Variants in MSRB3 observed in about 807,000 individuals in gnomAD.
The protein encoded by MSRB3 is methionine sulfoxide reductase B3.
Under a neutral mutation model 21.0 loss-of-function variants are expected in MSRB3, and 13 were observed. That is an observed-to-expected ratio of 0.62 (90% CI 0.40 to 0.98). The LOEUF (loss-of-function observed/expected upper bound fraction) is 0.98. MSRB3 is among the 50% of genes least tolerant of loss of function. MSRB3 has a pLI of 0.00. For missense variants in MSRB3, 199 were observed against 230.3 expected (o/e 0.86, Z 0.88); for synonymous variants, 87 against 88.6 (o/e 0.98, Z 0.10).
At chr12:65,322,822 G>T (rs994146604) in intron 2 of MSRB3, among the ~76,000 whole-genome samples, 2 of 152,054 alleles carry the variant, frequency 1.3e-5, no homozygotes, top group Admixed American at 1.3e-4. Flanking sequence ...TGTAAAATGG[G>T]CATGACAGCC....
intron 5 of MSRB3, among the ~76,000 whole-genome samples, chr12:65,396,704 A>AAAAAAAAG (rs1383726558): frequency 3.7e-5 from 2 of 54,132 alleles, no homozygotes; most frequent in Non-Finnish European, 7.3e-5. Context: ...AAAAAAAAAA[A>AAAAAAAAG]AAAGAAAGAA....
chr12:65,463,101 C>G, intron 6 of MSRB3, 54 bp from the exon 7 acceptor site: 21 of 1,608,374 alleles, frequency 1.3e-5, no homozygotes, highest in Non-Finnish European at 1.7e-5. Flanking sequence ...GTGAATTCCT[C>G]TCAAAGCCTG....
chr12:65,400,054 T>C (rs1880034171), intron 5 of MSRB3, among the ~76,000 whole-genome samples: 1 of 152,224 alleles, frequency 6.6e-6, no homozygotes, highest in Admixed American at 6.5e-5. Context: ...GATATTGGCC[T>C]GAAATTTTCT....
chr12:65,465,779 C>T lies in MSRB3; in HGVS notation c.*2457C>T, dbSNP rs1592663354. The stretch of plus-strand genomic sequence containing the variant: ...TGACGTGTAAAATTTAAGACCAGAC[C>T]TCAGCCATCAGCGTCCAGACCATCC... On this transcript the variant is annotated 3_prime_UTR_variant, in exon 7 of 7. Coordinates refer to ENST00000308259, the MANE Select transcript of MSRB3 (RefSeq NM_001031679.3). The T allele has an allele frequency of 6.6e-6, 1 of 152,218 alleles. No homozygotes were observed. The highest frequency in any genetic ancestry group is 1.5e-5 in the Non-Finnish European group (1 of 68,078). The allele number at this position is 152,218 out of a possible 1,614,324, so 9.4% of individuals were successfully genotyped here.
chr12:65,279,076 G>C (rs1035945334), intron 1 of MSRB3: 1 of 1,406,612 alleles, frequency 7.1e-7, no homozygotes, highest in Non-Finnish European at 9.2e-7. Flanking sequence ...AAGGAGGTCA[G>C]GGCTGGTTTC....
At chr12:65,415,407 T>C (rs894839132) in intron 5 of MSRB3, among the ~76,000 whole-genome samples, 1 of 152,148 alleles carries the variant, frequency 6.6e-6, no homozygotes, top group Admixed American at 6.5e-5. Context: ...GAGAGATGTT[T>C]GACAGAAGGC....
intron 5 of MSRB3, among the ~76,000 whole-genome samples, chr12:65,435,271 T>C (rs1359440039): frequency 6.6e-6 from 1 of 151,960 alleles, no homozygotes; most frequent in Non-Finnish European, 1.5e-5. Context: ...TGCTTTTCCA[T>C]CTTTTGGCCA....
chr12:65,389,212 A>G (rs1879344176), intron 5 of MSRB3, among the ~76,000 whole-genome samples: 1 of 152,102 alleles, frequency 6.6e-6, no homozygotes, highest in African/African-American at 2.4e-5. Context: ...CTTCCTATGC[A>G]TGATTCTTTC....
intron 5 of MSRB3, among the ~76,000 whole-genome samples, chr12:65,441,552 C>A (rs893881883): frequency 6.6e-6 from 1 of 151,858 alleles, no homozygotes; most frequent in Non-Finnish European, 1.5e-5. Context: ...TTCATTCAAC[C>A]AAAATGTATT....
chr12:65,447,465 A>G (rs1269460735), intron 5 of MSRB3, among the ~76,000 whole-genome samples: 1 of 152,260 alleles, frequency 6.6e-6, no homozygotes, highest in Non-Finnish European at 1.5e-5. Context: ...TGTTTATAAA[A>G]TAAGATGATA....
intron 5 of MSRB3, chr12:65,418,986 C>G: frequency 1.4e-6 from 1 of 708,792 alleles, no homozygotes; most frequent in East Asian, 2.7e-5. Context: ...ACTCCAGGTG[C>G]AGCAGGATCC....
At chr12:65,297,976 AT>A (rs952243032) in intron 1 of MSRB3, among the ~76,000 whole-genome samples, 7 of 151,470 alleles carry the variant, frequency 4.6e-5, no homozygotes, top group African/African-American at 1.7e-4. Context: ...AAGGTTTGAG[AT>A]TTTAGTGCCT....
In MSRB3 at chr12:65,326,924, G is replaced by C. The variant is rs1875082936; in HGVS notation, c.175G>C (p.Gly59Arg). ...PLQYHVTQEK[G>R]TESAFEGEYT... ...GCAGTACCATGTCACTCAGGAGAAA[G>C]GGACCGAAAGGTAAGGTGAGCTTTA... The change falls in exon 3 of 7, where the codon GGG becomes CGG. Residue 59 changes from glycine to arginine, a missense_variant. Coordinates refer to ENST00000308259, the MANE Select transcript of MSRB3 (RefSeq NM_001031679.3). The C allele has an allele frequency of 6.2e-7, 1 of 1,612,768 alleles. No individual in the cohort carries two copies. The highest frequency in any genetic ancestry group is 1.3e-5 in the African/African-American group (1 of 74,886).
chr12:65,387,602 T>A (rs1183255110), intron 5 of MSRB3, among the ~76,000 whole-genome samples: 2 of 152,172 alleles, frequency 1.3e-5, no homozygotes, highest in Admixed American at 1.3e-4. Flanking sequence ...AGACCATCAT[T>A]TGAATCCTGG....
At chr12:65,413,038 G>A (rs1257225946) in intron 5 of MSRB3, among the ~76,000 whole-genome samples, 2 of 152,134 alleles carry the variant, frequency 1.3e-5, no homozygotes, top group Non-Finnish European at 2.9e-5. Context: ...GGATGATGGC[G>A]ATTACAATTC....
At chr12:65,419,642 C>T (rs755993928) in intron 5 of MSRB3, 248 of 708,382 alleles carry the variant, frequency 3.5e-4, no homozygotes, top group Non-Finnish European at 4.8e-4. Flanking sequence ...AAATAATGGA[C>T]CCAGTCTCTG....
intron 2 of MSRB3, among the ~76,000 whole-genome samples, chr12:65,314,856 G>T (rs1004799229): frequency 2.6e-5 from 4 of 152,122 alleles, no homozygotes; most frequent in Non-Finnish European, 5.9e-5. Context: ...ATTCTACAGG[G>T]TTAGAATATC....
At chr12:65,399,469 C>T (rs1260423812) in intron 5 of MSRB3, among the ~76,000 whole-genome samples, 1 of 152,176 alleles carries the variant, frequency 6.6e-6, no homozygotes, top group Non-Finnish European at 1.5e-5. Flanking sequence ...TGAGACTTTG[C>T]TGAAGTTGCT....
chr12:65,421,685 A>G (rs1881304713), intron 5 of MSRB3, among the ~76,000 whole-genome samples: 1 of 152,188 alleles, frequency 6.6e-6, no homozygotes, highest in African/African-American at 2.4e-5. Context: ...ATGCTGAGGA[A>G]GTTTTTTTAC....
Sources: gnomAD v4.1 joint callset for allele counts (sites outside exome capture counted in the v4.1 genomes callset) on GRCh38, gnomAD v4.1.1 for gene constraint, MANE v1.5 for transcripts, NCBI Gene and HGNC (gene_info 2026-07-23, HGNC 2026-07-21) for gene names.